Variants in DNM3 observed in about 807,000 individuals in gnomAD.
DNM3 encodes the protein dynamin 3.
Under a neutral mutation model 101.6 loss-of-function variants are expected in DNM3, and 47 were observed. The ratio of observed to expected loss-of-function variants is 0.46; its 90% CI spans 0.37 to 0.59. The LOEUF (loss-of-function observed/expected upper bound fraction) is 0.59, where lower values mean the gene tolerates loss of function less well. Among genes scored for constraint, DNM3 ranks in the 20% least tolerant of loss-of-function variants. The pLI is 0.00. For missense variants in DNM3, 849 were observed against 1,085.7 expected, an observed-to-expected ratio of 0.78 and a Z score of 3.06; for synonymous variants, 385 against 387.9, an observed-to-expected ratio of 0.99 and a Z score of 0.09.
intron 17 of DNM3, among the ~76,000 whole-genome samples, chr1:172,368,231 A>G (rs2068131664): frequency 6.6e-6 from 1 of 151,928 alleles, no homozygotes; most frequent in Non-Finnish European, 1.5e-5. Context: ...AGGCTACAAA[A>G]CAAGTCTCAA....
chr1:172,034,640 C>T (rs1358939179), intron 6 of DNM3, among the ~76,000 whole-genome samples: 1 of 152,012 alleles, frequency 6.6e-6, no homozygotes, highest in East Asian at 1.9e-4. Flanking sequence ...GATAATCACT[C>T]TCTCTTTATT....
rs566730035 is a variant in DNM3, at chr1:171,970,800, T to C, written c.236-16856T>C. Among the ~76,000 whole-genome samples the C allele has an allele frequency of 1.2e-4, 17 of 146,802 alleles. No individual in the cohort carries two copies. In the South Asian group the frequency reaches 2.2e-3, roughly 19 times the overall value. Reference sequence around the variant, plus strand: ...GTCACTGTTTTTCAATGGGTCTCAATTGGATTTTTTTAAAATTTCTTCTTT... The same window carrying C: ...GTCACTGTTTTTCAATGGGTCTCAACTGGATTTTTTTAAAATTTCTTCTTT... On this transcript the variant is annotated intron_variant, in intron 2 of 20. Transcript: ENST00000627582.
intron 7 of DNM3, 83 bp from the exon 8 acceptor site, chr1:172,041,926 A>G (rs1307957041): frequency 3.5e-5 from 50 of 1,447,108 alleles, no homozygotes; most frequent in Non-Finnish European, 4.4e-5. Flanking sequence ...AAAGGATTCT[A>G]AGGAATAATC....
In DNM3 at chr1:172,120,704, C is replaced by T. The variant is rs116917533; in HGVS notation, c.1546-10471C>T. On this transcript the variant is annotated intron_variant, in intron 13 of 20. Transcript: ENST00000627582. ...CTATAAGTATGCCTTTTCTTATACC[C>T]GGTGCAGGTGAGAGCACTGTTCATG... Among the ~76,000 whole-genome samples the T allele has an allele frequency of 5.1e-4, 77 of 152,278 alleles. 2 individuals carry two copies. In the East Asian group the frequency reaches 0.013, roughly 26 times the overall value.
intron 1 of DNM3, among the ~76,000 whole-genome samples, chr1:171,865,907 A>T (rs1387228212): frequency 1.3e-5 from 2 of 152,170 alleles, no homozygotes; most frequent in South Asian, 4.1e-4. Flanking sequence ...TTGAGATTTC[A>T]ATGTAAATAC....
At chr1:172,139,191 A>G (rs961120629) in intron 14 of DNM3, 1 of 292,070 alleles carries the variant, frequency 3.4e-6, no homozygotes, top group Non-Finnish European at 6.7e-6. Context: ...CTTAAGTCCA[A>G]TTCATATTAT....
intron 17 of DNM3, among the ~76,000 whole-genome samples, chr1:172,330,902 A>C (rs1202511447): frequency 1.3e-5 from 2 of 152,286 alleles, no homozygotes; most frequent in East Asian, 3.9e-4. Context: ...CTGAGACCCT[A>C]CAAGCTTGAC....
chr1:172,304,218 A>AAAAAAAAAAAAAAAAAAC (rs1182798546), intron 15 of DNM3, among the ~76,000 whole-genome samples: 12 of 135,102 alleles, frequency 8.9e-5, no homozygotes, highest in African/African-American at 4.0e-4. Flanking sequence ...AAAAAAAAAA[A>AAAAAAAAAAAAAAAAAAC]AAAACAGGAG....
At position 171,841,587 on chromosome 1, in the gene DNM3, C is replaced by T; in HGVS notation, c.-70C>T. 6 of 1,543,898 alleles carry T rather than the reference C, an allele frequency of 3.9e-6. No homozygotes were observed. Among genetic ancestry groups the T allele is most frequent in the Non-Finnish European group, 5.2e-6 (6 of 1,148,128 alleles). On this transcript the variant is annotated 5_prime_UTR_variant, in exon 1 of 21. Coordinates refer to ENST00000627582, the MANE Select transcript of DNM3 (RefSeq NM_015569.5). ...GGCGCAGCAGCAGCAGCCAGGGCAG[C>T]GCGGCCCCTACTCCCTGTCAGGTCG...
chr1:171,979,364 G>A (rs969094053), intron 2 of DNM3, among the ~76,000 whole-genome samples: 6 of 152,140 alleles, frequency 3.9e-5, no homozygotes, highest in African/African-American at 1.4e-4. Context: ...AAGGAAATGA[G>A]TATATTGAAG....
intron 2 of DNM3, among the ~76,000 whole-genome samples, chr1:171,982,755 CA>C (rs1423701445): frequency 6.6e-6 from 1 of 151,828 alleles, no homozygotes; most frequent in African/African-American, 2.4e-5. Context: ...ACAGTTTAAC[CA>C]GTGAGATGGT....
At chr1:172,122,954 G>T (rs896043286) in intron 13 of DNM3, among the ~76,000 whole-genome samples, 2 of 152,140 alleles carry the variant, frequency 1.3e-5, no homozygotes, top group African/African-American at 4.8e-5. Context: ...GAAATAATGT[G>T]TGTGAAGCTC....
chr1:172,249,352 T>C (rs2062079863), intron 14 of DNM3, among the ~76,000 whole-genome samples: 1 of 152,176 alleles, frequency 6.6e-6, no homozygotes, highest in African/African-American at 2.4e-5. Flanking sequence ...TACTACTCAT[T>C]GTTCAGTTAC....
intron 17 of DNM3, among the ~76,000 whole-genome samples, chr1:172,346,426 G>T (rs1360563025): frequency 6.6e-6 from 1 of 152,148 alleles, no homozygotes; most frequent in Non-Finnish European, 1.5e-5. Context: ...GCCAAGGGCT[G>T]GAAGACTTTA....
intron 14 of DNM3, among the ~76,000 whole-genome samples, chr1:172,213,442 T>C (rs2060579224): frequency 6.7e-6 from 1 of 149,984 alleles, no homozygotes; most frequent in Admixed American, 6.7e-5. Flanking sequence ...TTGTGGAAAT[T>C]ATGTGATGTA....
chr1:172,400,411 A>AGAAAGGAGGGAAGGAGGGAAGGGGCAG (rs1428305649), intron 20 of DNM3, among the ~76,000 whole-genome samples: 13 of 151,988 alleles, frequency 8.6e-5, no homozygotes, highest in African/African-American at 9.7e-5. Context: ...GGAGATAGGA[A>AGAAAGGAGGGAAGGAGGGAAGGGGCAG]GAAAGGAGGG....
intron 20 of DNM3, among the ~76,000 whole-genome samples, chr1:172,391,557 G>A (rs545419506): frequency 2.6e-4 from 39 of 152,248 alleles, no homozygotes; most frequent in African/African-American, 8.9e-4. Context: ...TGAGAGAAGC[G>A]CTTGTTGAAA....
intron 2 of DNM3, among the ~76,000 whole-genome samples, chr1:171,956,531 G>T (rs1238595859): frequency 6.6e-6 from 1 of 152,134 alleles, no homozygotes; most frequent in African/African-American, 2.4e-5. Flanking sequence ...CCTCCTGGCT[G>T]CTTTCATGGG....
At chr1:172,264,051 C>G (rs1432206788) in intron 15 of DNM3, among the ~76,000 whole-genome samples, 1 of 152,098 alleles carries the variant, frequency 6.6e-6, no homozygotes, top group Non-Finnish European at 1.5e-5. Context: ...TAGCAGACAG[C>G]ATAGTATTTA....
Sources: gnomAD v4.1 joint callset for allele counts (sites outside exome capture counted in the v4.1 genomes callset) on GRCh38, gnomAD v4.1.1 for gene constraint, MANE v1.5 for transcripts, NCBI Gene and HGNC (gene_info 2026-07-23, HGNC 2026-07-21) for gene names.